STK33: variants seen among roughly 807,000 people sequenced by gnomAD.
STK33 encodes the protein serine/threonine kinase 33.
A neutral mutation model predicts 58.0 loss-of-function variants in STK33; 52 were observed. The ratio of observed to expected loss-of-function variants is 0.90; its 90% CI spans 0.72 to 1.13. The LOEUF is 1.13. STK33 is among the 50% of genes most tolerant of loss of function. The pLI, the probability that STK33 is intolerant of heterozygous loss-of-function variation, is 0.00. For synonymous variants in STK33, 215 were observed against 200.1 expected, an observed-to-expected ratio of 1.07 and a Z score of -0.63; for missense variants, 630 against 604.2, an observed-to-expected ratio of 1.04 and a Z score of -0.45.
intron 11 of STK33, among the ~76,000 whole-genome samples, chr11:8,443,405 C>T (rs1591097966): frequency 6.6e-6 from 1 of 152,074 alleles, no homozygotes; most frequent in Admixed American, 6.6e-5. Context: ...GATGCAATCA[C>T]CTACCACAAT....
chr11:8,557,728 AT>A (rs1251335625), intron 1 of STK33, among the ~76,000 whole-genome samples: 1 of 152,030 alleles, frequency 6.6e-6, no homozygotes, highest in Non-Finnish European at 1.5e-5. Context: ...TTCAACCTAT[AT>A]CATCACTGGA....
the STK33 span, among the ~76,000 whole-genome samples, chr11:8,359,901 G>A: frequency 6.6e-6 from 1 of 152,218 alleles, no homozygotes; most frequent in African/African-American, 2.4e-5. Flanking sequence ...GAGACTTCCT[G>A]GTGAGGCATG....
chr11:8,454,893 A>G, intron 9 of STK33, 61 bp from the exon 10 acceptor site: 2 of 1,415,146 alleles, frequency 1.4e-6, no homozygotes, highest in Non-Finnish European at 1.9e-6. Context: ...GGAGAGACAC[A>G]TATAGATTAA....
At chr11:8,535,305 C>A (rs1954908866) in intron 1 of STK33, among the ~76,000 whole-genome samples, 1 of 152,144 alleles carries the variant, frequency 6.6e-6, no homozygotes, top group Admixed American at 6.5e-5. Flanking sequence ...CTGGGTTCTA[C>A]ACAGCCAGAC....
Position 8,454,765 on chromosome 11 carries a change from A to G in STK33, c.765T>C (p.Asn255=), listed in dbSNP as rs772717460. 1.1e-5 allele frequency: 17 copies of G among 1,578,816 alleles called. No individual in the cohort carries two copies. Among genetic ancestry groups the G allele is most frequent in the Non-Finnish European group, 1.2e-5 (14 of 1,159,996 alleles). The change falls in exon 10 of 16, where the codon AAT becomes AAC. Residue 255 remains asparagine (N), a synonymous_variant. Transcript: ENST00000687296. ...TTACCTTTATGTTTAAGTTTATTTC[A>G]TTGTTATCATCAATAAGACTGCTTT... ...MVKSSLIDDN[N]EINLNIKVTD...
intron 1 of STK33, among the ~76,000 whole-genome samples, chr11:8,586,554 T>G (rs898549928): frequency 7.9e-5 from 12 of 152,112 alleles, no homozygotes; most frequent in Non-Finnish European, 1.6e-4. Flanking sequence ...CTGGACACAG[T>G]GGCTCACACC....
intron 1 of STK33, among the ~76,000 whole-genome samples, chr11:8,490,094 C>T (rs34413622): frequency 0.17 from 25,796 of 152,130 alleles, 2,654 homozygotes; most frequent in South Asian, 0.32. Context: ...CCATGGAGGG[C>T]GAGCCGAAGC....
In STK33 at chr11:8,420,791, G is replaced by A. The variant is rs190018452; in HGVS notation, c.1147-7099C>T. On this transcript the variant is annotated intron_variant, in intron 14 of 15. Coordinates refer to ENST00000687296, the MANE Select transcript of STK33 (RefSeq NM_001352389.2). ...GCCAGAGGATCACTTGAGCTCAGGA[G>A]TTCGAGACCAGCCTGGGCAACATAG... Among the ~76,000 whole-genome samples, 10 of 152,260 alleles carry A rather than the reference G, an allele frequency of 6.6e-5. No homozygotes were observed. In the East Asian group the frequency reaches 9.6e-4, roughly 15 times the overall value.
chr11:8,444,926 G>A (rs769346319), intron 11 of STK33, among the ~76,000 whole-genome samples: 75 of 152,268 alleles, frequency 4.9e-4, no homozygotes, highest in South Asian at 3.9e-3. Context: ...ATTCTGTGAA[G>A]AAAGCCAATG....
chr11:8,427,623 CTTTTA>C (rs1470191228), intron 14 of STK33, among the ~76,000 whole-genome samples: 5 of 151,916 alleles, frequency 3.3e-5, no homozygotes, highest in Non-Finnish European at 7.4e-5. Context: ...TATATCTTTT[CTTTTA>C]TATTTTCAAC....
chr11:8,489,257 C>CAAAAAAAAAAAAAAAAAA (rs377017514), intron 1 of STK33, among the ~76,000 whole-genome samples: 1 of 64,340 alleles, frequency 1.6e-5, no homozygotes, highest in Non-Finnish European at 2.9e-5. Context: ...AAGCTATCTC[C>CAAAAAAAAAAAAAAAAAA]AAAAAAAAAA....
At chr11:8,346,761 G>A in the STK33 span, among the ~76,000 whole-genome samples, 4 of 152,052 alleles carry the variant, frequency 2.6e-5, no homozygotes, top group African/African-American at 9.7e-5. Flanking sequence ...CGTAACTCAA[G>A]CCAGGCACAT....
chr11:8,409,355 A>G (rs1328584061), intron 15 of STK33, among the ~76,000 whole-genome samples: 1 of 152,246 alleles, frequency 6.6e-6, no homozygotes. Context: ...GAAATAGAAG[A>G]GAGCAAGCTA....
chr11:8,354,742 G>C, the STK33 span, among the ~76,000 whole-genome samples: 25 of 152,262 alleles, frequency 1.6e-4, no homozygotes, highest in Admixed American at 1.6e-3. Context: ...AGGAGCAGCA[G>C]CTGGGGCTGG....
At chr11:8,546,542 T>C (rs1955926021) in intron 1 of STK33, among the ~76,000 whole-genome samples, 1 of 152,122 alleles carries the variant, frequency 6.6e-6, no homozygotes, top group South Asian at 2.1e-4. Flanking sequence ...AACTTATTCC[T>C]TCTTTCTAAC....
chr11:8,412,410 T>C (rs1467077211), intron 15 of STK33, among the ~76,000 whole-genome samples: 1 of 152,234 alleles, frequency 6.6e-6, no homozygotes, highest in East Asian at 1.9e-4. Context: ...TCTAAATCAT[T>C]ATGTTATGCT....
intron 15 of STK33, among the ~76,000 whole-genome samples, chr11:8,400,709 A>G (rs939481584): frequency 1.3e-4 from 20 of 152,220 alleles, no homozygotes; most frequent in Admixed American, 2.6e-4. Context: ...ATGATTGTAT[A>G]TCTAGAAAAC....
the STK33 span, among the ~76,000 whole-genome samples, chr11:8,361,663 T>C: frequency 5.9e-5 from 9 of 152,230 alleles, no homozygotes; most frequent in African/African-American, 1.2e-4. The surrounding 1 kb of genome is among the most constrained non-coding windows in gnomAD (Gnocchi z 4.8). Flanking sequence ...GCCTAGCTTG[T>C]CTCCTCTGCT....
chr11:8,511,167 A>C (rs1952290797), intron 1 of STK33, among the ~76,000 whole-genome samples: 1 of 152,118 alleles, frequency 6.6e-6, no homozygotes, highest in Non-Finnish European at 1.5e-5. Flanking sequence ...GATTTCTTTC[A>C]GCAGTGTTTT....
Sources: gnomAD v4.1 joint callset for allele counts (sites outside exome capture counted in the v4.1 genomes callset) on GRCh38, gnomAD v4.1.1 for gene constraint, Gnocchi (gnomAD v3.1) non-coding constraint, MANE v1.5 for transcripts, NCBI Gene and HGNC (gene_info 2026-07-23, HGNC 2026-07-21) for gene names.